Variants in NXPH1 observed in about 807,000 individuals in gnomAD.
The protein encoded by NXPH1 is neurexophilin 1.
Under a neutral mutation model 23.7 loss-of-function variants are expected in NXPH1, and 5 were observed. That is an observed-to-expected ratio of 0.21 (90% CI 0.11 to 0.44). NXPH1 has a LOEUF of 0.44. NXPH1 is among the 20% of genes least tolerant of loss of function. The pLI, the probability that NXPH1 is intolerant of heterozygous loss-of-function variation, is 0.99. For synonymous variants in NXPH1, 144 were observed against 122.2 expected, an observed-to-expected ratio of 1.18 and a Z score of -1.18; for missense variants, 324 against 321.6, an observed-to-expected ratio of 1.01 and a Z score of -0.06.
intron 2 of NXPH1, among the ~76,000 whole-genome samples, chr7:8,673,921 G>T (rs867172230): frequency 2.6e-5 from 4 of 151,850 alleles, no homozygotes; most frequent in African/African-American, 4.8e-5. Flanking sequence ...TAAAACAAGG[G>T]GATCAATATT....
intron 2 of NXPH1, among the ~76,000 whole-genome samples, chr7:8,721,772 G>A (rs1779974706): frequency 6.6e-6 from 1 of 152,126 alleles, no homozygotes; most frequent in Admixed American, 6.5e-5. Flanking sequence ...GCGAGACTCT[G>A]TCTCAAAAAA....
At chr7:8,535,919 TG>T (rs1818019097) in intron 2 of NXPH1, among the ~76,000 whole-genome samples, 1 of 152,058 alleles carries the variant, frequency 6.6e-6, no homozygotes, top group African/African-American at 2.4e-5. Flanking sequence ...GCATCTCCTT[TG>T]TTCCCATATC....
intron 2 of NXPH1, among the ~76,000 whole-genome samples, chr7:8,695,168 G>A (rs915842755): frequency 1.1e-4 from 17 of 152,148 alleles, no homozygotes; most frequent in African/African-American, 3.9e-4. Flanking sequence ...TTTTTATAAT[G>A]GTAGGTACAT....
At chr7:8,679,189 C>T (rs763872751) in intron 2 of NXPH1, among the ~76,000 whole-genome samples, 28 of 151,888 alleles carry the variant, frequency 1.8e-4, no homozygotes, top group Non-Finnish European at 3.8e-4. Context: ...CCTCGTGATC[C>T]GCCCACCTCG....
chr7:8,498,781 C>A (rs1817381813), intron 2 of NXPH1, among the ~76,000 whole-genome samples: 1 of 151,930 alleles, frequency 6.6e-6, no homozygotes, highest in Non-Finnish European at 1.5e-5. Flanking sequence ...TGTCCTTGTT[C>A]CAAGTTGTTC....
intron 2 of NXPH1, among the ~76,000 whole-genome samples, chr7:8,516,089 C>T (rs1444093427): frequency 1.3e-5 from 2 of 152,104 alleles, no homozygotes; most frequent in African/African-American, 4.8e-5. Flanking sequence ...TCAAATCCTG[C>T]TTGCTTAAGT....
At chr7:8,438,510 T>C (rs1816234726) in intron 2 of NXPH1, among the ~76,000 whole-genome samples, 1 of 152,262 alleles carries the variant, frequency 6.6e-6, no homozygotes, top group African/African-American at 2.4e-5. Flanking sequence ...CATCACTCTG[T>C]TTATGCCTTA....
intron 2 of NXPH1, among the ~76,000 whole-genome samples, chr7:8,508,533 G>A (rs114654899): frequency 0.017 from 2,638 of 152,220 alleles, 60 homozygotes; most frequent in African/African-American, 0.06. Flanking sequence ...TCAGCCTGGG[G>A]AGATAGTGTG....
At chr7:8,552,114 C>CAAAAAAAAAAAAAAAAA in intron 2 of NXPH1, among the ~76,000 whole-genome samples, 1 of 61,744 alleles carries the variant, frequency 1.6e-5, no homozygotes, top group South Asian at 6.1e-4. Flanking sequence ...GAAAAAAAAC[C>CAAAAAAAAAAAAAAAAA]AAAAAAAAAA....
chr7:8,630,389 T>C (rs1404800062), intron 2 of NXPH1, among the ~76,000 whole-genome samples: 1 of 152,188 alleles, frequency 6.6e-6, no homozygotes, highest in African/African-American at 2.4e-5. Flanking sequence ...GATTGGATAT[T>C]GTTTCAGGTG....
chr7:8,648,497 A>T (rs768080903), intron 2 of NXPH1, among the ~76,000 whole-genome samples: 4 of 152,194 alleles, frequency 2.6e-5, no homozygotes, highest in African/African-American at 9.7e-5. Context: ...ACTGGATCTC[A>T]TTGTATTTTA....
chr7:8,730,983 A>C (rs1193741061), intron 2 of NXPH1, among the ~76,000 whole-genome samples: 3 of 146,752 alleles, frequency 2.0e-5, no homozygotes, highest in Admixed American at 1.4e-4. Flanking sequence ...TACACCAATC[A>C]GACGTAGATT....
At chr7:8,579,739 C>G (rs527291399) in intron 2 of NXPH1, among the ~76,000 whole-genome samples, 1 of 152,328 alleles carries the variant, frequency 6.6e-6, no homozygotes, top group African/African-American at 2.4e-5. Context: ...TCATTTAAAT[C>G]ACATGATTGT....
chr7:8,469,382 G>T (rs75354988), intron 2 of NXPH1, among the ~76,000 whole-genome samples: 3,304 of 151,884 alleles, frequency 0.022, 126 homozygotes, highest in African/African-American at 0.076. Flanking sequence ...AGTATTTACC[G>T]CCAAACACTG....
intron 2 of NXPH1, among the ~76,000 whole-genome samples, chr7:8,547,734 A>G (rs1818218826): frequency 6.6e-6 from 1 of 151,458 alleles, no homozygotes; most frequent in South Asian, 2.1e-4. Context: ...CCCCACTTCT[A>G]AGAGGGAATA....
At chr7:8,470,449 T>C (rs920561693) in intron 2 of NXPH1, among the ~76,000 whole-genome samples, 9 of 152,192 alleles carry the variant, frequency 5.9e-5, no homozygotes, top group African/African-American at 1.9e-4. Flanking sequence ...GTTGTGGCTG[T>C]TCCCTAGATT....
At chr7:8,741,937 A>C (rs1780374816) in intron 2 of NXPH1, among the ~76,000 whole-genome samples, 1 of 152,014 alleles carries the variant, frequency 6.6e-6, no homozygotes, top group Non-Finnish European at 1.5e-5. Context: ...AAATATTCTT[A>C]AGACTGTAGT....
At chr7:8,599,813 T>G (rs1819314189) in intron 2 of NXPH1, among the ~76,000 whole-genome samples, 1 of 151,674 alleles carries the variant, frequency 6.6e-6, no homozygotes, top group South Asian at 2.1e-4. Flanking sequence ...GAAGATTTTT[T>G]TTTTTTTTTG....
intron 2 of NXPH1, among the ~76,000 whole-genome samples, chr7:8,470,890 G>C (rs1007894286): frequency 2.6e-5 from 4 of 151,956 alleles, no homozygotes; most frequent in Admixed American, 2.6e-4. Flanking sequence ...TTAAGAAGAA[G>C]GAAATAGCAG....
Sources: gnomAD v4.1 joint callset for allele counts (sites outside exome capture counted in the v4.1 genomes callset) on GRCh38, gnomAD v4.1.1 for gene constraint, MANE v1.5 for transcripts, NCBI Gene and HGNC (gene_info 2026-07-23, HGNC 2026-07-21) for gene names.